COL6A1: variants seen among roughly 807,000 people sequenced by gnomAD.
COL6A1 encodes collagen alpha-1(VI) chain.
COL6A1 carries 80 observed loss-of-function variants against 145.6 expected under a neutral mutation model. The observed-to-expected ratio is 0.55, with a 90% CI of 0.46 to 0.66. COL6A1 has a LOEUF of 0.66. Among genes scored for constraint, COL6A1 ranks in the 30% least tolerant of loss-of-function variants. The probability of loss-of-function intolerance (pLI) is 0.00; values close to 1 mark genes in which losing one functional copy is unlikely to be tolerated. For missense variants in COL6A1, 1,364 were observed against 1,473.8 expected (o/e 0.93, Z 1.22); for synonymous variants, 638 against 622.8 (o/e 1.02, Z -0.36).
At position 46,002,524 on chromosome 21, in the gene COL6A1, C is replaced by A; in HGVS notation, c.2251-3C>A. ...GCCACACCGATACTGTCTGTCCCCA[C>A]AGGTGGTCTCCGTGGGCATCAAAGA... On this transcript the variant is annotated splice_polypyrimidine_tract_variant and splice_region_variant and intron_variant, in intron 32 of 34. Transcript: ENST00000361866. 5 of 1,613,984 alleles carry A rather than the reference C, an allele frequency of 3.1e-6. No individual in the cohort carries two copies. Among genetic ancestry groups the A allele is most frequent in the Non-Finnish European group, 4.2e-6 (5 of 1,179,886 alleles).
At chr21:45,989,534 G>A in intron 9 of COL6A1, 74 bp from the exon 10 acceptor site, 18 of 1,459,888 alleles carry the variant, frequency 1.2e-5, no homozygotes, top group Non-Finnish European at 1.6e-5. Flanking sequence ...GGAGGGAGGG[G>A]TGTGGGGCTG....
At chr21:46,001,917 C>T (rs1265463424) in intron 30 of COL6A1, 44 bp from the exon 31 acceptor site, 7 of 1,561,380 alleles carry the variant, frequency 4.5e-6, no homozygotes, top group Non-Finnish European at 6.1e-6. Context: ...CTTATGCGGA[C>T]CTGGGGCAGC....
At chr21:46,000,711 C>T (rs369490428) in intron 28 of COL6A1, 48 bp from the exon 29 acceptor site, 15 of 1,613,686 alleles carry the variant, frequency 9.3e-6, no homozygotes, top group Non-Finnish European at 1.2e-5. Context: ...CTGACGTGCG[C>T]AGGACGCGGC....
In COL6A1 at chr21:46,002,217, G is replaced by T; in HGVS notation, c.2067-1G>T. 1 of 1,600,062 alleles carries T rather than the reference G, an allele frequency of 6.2e-7. No homozygotes were observed. The highest frequency in any genetic ancestry group is 1.7e-5 in the Admixed American group (1 of 58,532). ...GGCCCTTCCTGCCCTTTGCTATGCA[G>T]AGCCATCAAGAGCCTGCAGTGGATG... On this transcript the variant is annotated splice_acceptor_variant, in intron 31 of 34. Coordinates refer to ENST00000361866, the MANE Select transcript of COL6A1 (RefSeq NM_001848.3). LOFTEE classifies it high-confidence loss of function.
At chr21:46,003,079 G>A (rs2077858237) in intron 33 of COL6A1, 41 bp from the exon 34 acceptor site, 3 of 1,613,682 alleles carry the variant, frequency 1.9e-6, no homozygotes, top group East Asian at 2.2e-5. Flanking sequence ...GGTTATAGGT[G>A]GAGCAGTGGG....
rs1018305938 is a variant in COL6A1, at chr21:45,994,140, C to T, written c.1336-27C>T. 13 of 1,584,840 alleles carry T rather than the reference C, an allele frequency of 8.2e-6. 1 individual carries two copies. The South Asian group carries it at 1.5e-4, about 18-fold the overall frequency. ...CATCCTCCCCAAGGATGGCCCAGCT[C>T]CACACTCACGGCTCGTTTCTCTTCA... On this transcript the variant is annotated intron_variant, in intron 19 of 34. Coordinates refer to ENST00000361866, the MANE Select transcript of COL6A1 (RefSeq NM_001848.3). The surrounding 1 kb of genome is among the most constrained non-coding windows in gnomAD (Gnocchi z 6.8).
chr21:45,994,486 C>T lies in COL6A1; in HGVS notation c.1398+257C>T, dbSNP rs550996207. Among the ~76,000 whole-genome samples, 4 of 152,150 alleles carry T rather than the reference C, an allele frequency of 2.6e-5. No homozygotes were observed. The highest frequency in any genetic ancestry group is 1.3e-4 in the Admixed American group (2 of 15,294). ...GAGACGCTCAGCCCAGGTGGAGAAG[C>T]GCTGTCTGGGGGCCCATCCGGGGCA... On this transcript the variant is annotated intron_variant, in intron 20 of 34. Coordinates refer to ENST00000361866, the MANE Select transcript of COL6A1 (RefSeq NM_001848.3). The surrounding 1 kb of genome is among the most constrained non-coding windows in gnomAD (Gnocchi z 6.8).
At chr21:46,002,092 G>T in intron 31 of COL6A1, 22 bp downstream of exon 31, 2 of 1,602,112 alleles carry the variant, frequency 1.2e-6, no homozygotes, top group Non-Finnish European at 1.7e-6. Flanking sequence ...ACGCGGCCAG[G>T]ACCCTCCCAC....
chr21:45,992,389 C>T lies in COL6A1; in HGVS notation c.1263C>T (p.Pro421=), dbSNP rs764028640. 23 of 1,613,268 alleles carry T rather than the reference C, an allele frequency of 1.4e-5. No homozygotes were observed. Among genetic ancestry groups the T allele is most frequent in the Middle Eastern group, 1.6e-4 (1 of 6,062 alleles). ...GGAACCCAGGACCTGACGGTGCCCC[C>T]GGGGAGCGGGTGAGTGGGGCAGGGG... is the stretch of plus-strand genomic sequence containing the variant. ...DEGNPGPDGA[P]GERGGPGERG... is the part of the protein sequence containing the mutation. The change falls in exon 18 of 35, where the codon CCC becomes CCT. Residue 421 remains proline (P), a synonymous_variant. Transcript: ENST00000361866.
chr21:45,990,634 G>A, intron 13 of COL6A1, 139 bp from the exon 14 acceptor site: 1 of 823,492 alleles, frequency 1.2e-6, no homozygotes, highest in Non-Finnish European at 2.1e-6. Flanking sequence ...CGGTGTGAAG[G>A]TGACCCCAGG....
intron 21 of COL6A1, 94 bp from the exon 22 acceptor site, chr21:45,997,606 C>A: frequency 6.5e-7 from 1 of 1,539,362 alleles, no homozygotes; most frequent in Admixed American, 1.9e-5. Flanking sequence ...GTCCTGGCTC[C>A]CGATGGGACC....
At chr21:45,992,656 G>A (rs2077783342) in intron 18 of COL6A1, 92 bp from the exon 19 acceptor site, 2 of 1,323,056 alleles carry the variant, frequency 1.5e-6, no homozygotes, top group Non-Finnish European at 2.1e-6. Context: ...GTCCTGCTGG[G>A]GGAGTCAGTC....
At chr21:45,986,892 C>T (rs552872000) in intron 4 of COL6A1, 52 bp from the exon 5 acceptor site, 772 of 1,535,520 alleles carry the variant, frequency 5.0e-4, no homozygotes, top group Non-Finnish European at 6.2e-4. Context: ...GAAGCGGCCC[C>T]GGCCGTCAGG....
chr21:45,991,518 GC>G (rs2077777183), intron 15 of COL6A1, among the ~76,000 whole-genome samples: 1 of 152,188 alleles, frequency 6.6e-6, no homozygotes. Flanking sequence ...GGGAGAAGGA[GC>G]TTTTTCGTCT....
rs779368081 is a variant in COL6A1 at position 45,998,155 on chromosome 21, G to A, written c.1559G>A (p.Gly520Asp). The A allele has an allele frequency of 1.2e-6, 2 of 1,612,128 alleles. No homozygotes were observed. The highest frequency in any genetic ancestry group is 1.7e-6 in the Non-Finnish European group (2 of 1,179,688). The change falls in exon 23 of 35, where the codon GGC becomes GAC. Residue 520 changes from glycine (G) to aspartate (D), a missense_variant. Transcript: ENST00000361866. ...EDGPAGNGTEGFPGFPGYPGN... is the reference protein window; with the variant it reads ...EDGPAGNGTEDFPGFPGYPGN... The stretch of plus-strand genomic sequence containing the variant: ...GGCCCCGCTGGAAATGGCACCGAGG[G>A]CTTCCCCGGCTTCCCCGTAAGTGTC...
At position 46,002,580 on chromosome 21, in the gene COL6A1, G is replaced by C. The variant is rs376567898; in HGVS notation, c.2304G>C (p.Gln768His). The change falls in exon 33 of 35, where the codon CAG becomes CAC. Residue 768 changes from glutamine (Q) to histidine (H), a missense_variant. Gln to His is a conservative substitution (Grantham distance 24). Transcript: ENST00000361866. ...TTGACTTCATCCCAGGCTCAGACCAGCTCAATGTCATTTCTTGCCAAGGCC... is the reference window on the plus strand; with the variant it reads ...TTGACTTCATCCCAGGCTCAGACCACCTCAATGTCATTTCTTGCCAAGGCC... ...DVFDFIPGSD[Q>H]LNVISCQGLA... 1.3e-4 allele frequency: 202 copies of C among 1,614,048 alleles called. No individual in the cohort carries two copies. Among genetic ancestry groups the C allele is most frequent in the Admixed American group, 5.0e-5 (3 of 60,014 alleles).
rs377586358 is a variant in COL6A1, at chr21:46,003,541, G to A, written c.2615G>A (p.Arg872Gln). 4.1e-5 allele frequency: 66 copies of A among 1,612,054 alleles called. No homozygotes were observed. The Middle Eastern group carries it at 5.0e-4, about 12-fold the overall frequency. Residue 872 changes from arginine to glutamine, a missense_variant, in exon 35 of 35, where the codon CGG becomes CAG. Arg to Gln is a conservative substitution (Grantham distance 43). Transcript: ENST00000361866. ...AGGACGGACCCCGCCCACGACGTGC[G>A]GGTGGCGGTGGTGCAGTACAGCGGC... ...AGRTDPAHDV[R>Q]VAVVQYSGTG...
rs558921753 is a variant in COL6A1 at position 45,989,488 on chromosome 21, G to A, written c.859-120G>A. 28 of 1,027,978 alleles carry A rather than the reference G, an allele frequency of 2.7e-5. No homozygotes were observed. In the Middle Eastern group the frequency reaches 1.5e-3, roughly 56 times the overall value. 63.7% of individuals were successfully genotyped at this position (1,027,978 alleles called of 1,614,324 possible). On this transcript the variant is annotated intron_variant, in intron 9 of 34. Coordinates refer to ENST00000361866, the MANE Select transcript of COL6A1 (RefSeq NM_001848.3). The stretch of plus-strand genomic sequence containing the variant: ...GCCTCGGCACCATGGGCCCCGTGCA[G>A]CAGGGCCCCTCTCTCGGCCTGACCA...
intron 27 of COL6A1, among the ~76,000 whole-genome samples, chr21:46,000,082 TGAG>T (rs1422156832): frequency 3.5e-5 from 5 of 141,918 alleles, no homozygotes; most frequent in Non-Finnish European, 7.7e-5. Context: ...CCTGTACCCA[TGAG>T]GACCATGAGG....
Sources: allele counts gnomAD v4.1 joint callset (sites outside exome capture counted in the v4.1 genomes callset), GRCh38; gene constraint gnomAD v4.1.1; non-coding constraint Gnocchi (gnomAD v3.1); transcripts MANE v1.5; gene names NCBI Gene and HGNC (gene_info 2026-07-23, HGNC 2026-07-21).